GRIA1: variants seen among roughly 807,000 people sequenced by gnomAD.
GRIA1 encodes glutamate receptor 1.
GRIA1 carries 31 observed loss-of-function variants against 99.2 expected under a neutral mutation model. The ratio of observed to expected loss-of-function variants is 0.31; its 90% CI spans 0.23 to 0.42. The LOEUF is 0.42. Ranked by LOEUF, GRIA1 falls within the 10% of genes least tolerant of loss-of-function variation. The pLI is 1.00. For synonymous variants in GRIA1, 438 were observed against 432.4 expected, an observed-to-expected ratio of 1.01 and a Z score of -0.16; for missense variants, 782 against 1,157.5, an observed-to-expected ratio of 0.68 and a Z score of 4.71.
intron 2 of GRIA1, among the ~76,000 whole-genome samples, chr5:153,578,022 G>T (rs944348289): frequency 6.6e-6 from 1 of 151,414 alleles, no homozygotes. Context: ...ATCATGGTGC[G>T]TGCCTGTAAT....
chr5:153,549,031 G>A (rs1552834), intron 2 of GRIA1, among the ~76,000 whole-genome samples: 60,245 of 151,950 alleles, frequency 0.4, 13,111 homozygotes, highest in East Asian at 0.71. Flanking sequence ...ACAAACTTGA[G>A]TAAATACTAT....
chr5:153,704,215 C>G (rs1758729024), intron 10 of GRIA1, among the ~76,000 whole-genome samples: 1 of 152,226 alleles, frequency 6.6e-6, no homozygotes, highest in Non-Finnish European at 1.5e-5. Context: ...GGTGGGTGGT[C>G]AGCACCCTGA....
intron 5 of GRIA1, among the ~76,000 whole-genome samples, chr5:153,658,259 C>T (rs1755098975): frequency 6.6e-6 from 1 of 152,118 alleles, no homozygotes; most frequent in Non-Finnish European, 1.5e-5. Flanking sequence ...GCATAATTAC[C>T]TCTCTGGGGT....
Position 153,706,050 on chromosome 5 carries a change from A to G in GRIA1, c.1806A>G (p.Gly602=). ...CCCTGGGAGCCTTCATGCAGCAAGG[A>G]TGTGACATTTCTCCCAGGTCAGTCA... The part of the protein sequence containing the change: ...WFSLGAFMQQ[G]CDISPRSLSG... The change falls in exon 11 of 16, where the codon GGA becomes GGG. Residue 602 remains glycine, a synonymous_variant. Transcript: ENST00000285900. 5 of 1,613,828 alleles carry G rather than the reference A, an allele frequency of 3.1e-6. No individual in the cohort carries two copies. The highest frequency in any genetic ancestry group is 4.2e-6 in the Non-Finnish European group (5 of 1,179,840).
Position 153,698,986 on chromosome 5 carries a change from T to C in GRIA1, c.1365T>C (p.Arg455=). 6.2e-7 allele frequency: 1 copy of C among 1,613,914 alleles called. No homozygotes were observed. Among genetic ancestry groups the C allele is most frequent in the Non-Finnish European group, 8.5e-7 (1 of 1,179,892 alleles). Residue 455 remains arginine (R), a synonymous_variant, in exon 10 of 16, where the codon CGT becomes CGC. Coordinates refer to ENST00000285900, the MANE Select transcript of GRIA1 (RefSeq NM_000827.4). ...EIAKHVGYSY[R]LEIVSDGKYG... ...CCAAGCACGTGGGCTACTCCTACCG[T>C]CTGGAGATTGTCAGTGATGGAAAAT...
intron 11 of GRIA1, among the ~76,000 whole-genome samples, chr5:153,754,638 A>G (rs1411263943): frequency 2.0e-5 from 3 of 152,160 alleles, no homozygotes; most frequent in Non-Finnish European, 4.4e-5. Context: ...GCCATCCTGA[A>G]TACTTGGTTT....
upstream of GRIA1, chr5:153,490,603 G>T: frequency 2.0e-6 from 1 of 494,160 alleles, no homozygotes; most frequent in Non-Finnish European, 3.7e-6. Flanking sequence ...GCTGCGAGGG[G>T]AGAGGAGAGG....
At chr5:153,719,111 G>T (rs981033023) in intron 11 of GRIA1, among the ~76,000 whole-genome samples, 6 of 152,130 alleles carry the variant, frequency 3.9e-5, no homozygotes, top group Non-Finnish European at 8.8e-5. Flanking sequence ...TACATCTCAA[G>T]AGTGATGGAT....
At chr5:153,626,128 A>C (rs924834382) in intron 2 of GRIA1, among the ~76,000 whole-genome samples, 2 of 152,244 alleles carry the variant, frequency 1.3e-5, no homozygotes, top group Admixed American at 1.3e-4. Flanking sequence ...AATGCGAATG[A>C]AAAATAGTTT....
intron 2 of GRIA1, among the ~76,000 whole-genome samples, chr5:153,623,947 A>G (rs1355492539): frequency 7.0e-6 from 1 of 143,430 alleles, no homozygotes; most frequent in African/African-American, 2.5e-5. Context: ...TCTGCAGCAC[A>G]TTTGTTAAAC....
At chr5:153,742,984 T>TTAC (rs1361680874) in intron 11 of GRIA1, among the ~76,000 whole-genome samples, 1 of 152,336 alleles carries the variant, frequency 6.6e-6, no homozygotes, top group East Asian at 1.9e-4. Context: ...CTATCACACC[T>TTAC]TACTTTGTGG....
chr5:153,649,604 C>T (rs982422382), intron 3 of GRIA1, among the ~76,000 whole-genome samples: 5 of 152,038 alleles, frequency 3.3e-5, no homozygotes, highest in Admixed American at 2.0e-4. Flanking sequence ...ATTACAGGTA[C>T]CTGCCACCAT....
intron 11 of GRIA1, among the ~76,000 whole-genome samples, chr5:153,734,780 G>C (rs921488089): frequency 1.3e-5 from 2 of 152,168 alleles, no homozygotes; most frequent in Non-Finnish European, 2.9e-5. Flanking sequence ...ATGGGTATTA[G>C]CCAAGTGAAA....
chr5:153,541,223 C>A (rs1178076468), intron 2 of GRIA1, among the ~76,000 whole-genome samples: 1 of 152,148 alleles, frequency 6.6e-6, no homozygotes, highest in Non-Finnish European at 1.5e-5. Flanking sequence ...TCCTAAATAC[C>A]ACATTTATGC....
At chr5:153,671,539 G>A (rs777068810) in intron 5 of GRIA1, among the ~76,000 whole-genome samples, 9 of 152,178 alleles carry the variant, frequency 5.9e-5, no homozygotes, top group Admixed American at 2.6e-4. Context: ...GAACCATTGT[G>A]CAAATCAGCT....
chr5:153,619,490 C>A (rs777025352), intron 2 of GRIA1, among the ~76,000 whole-genome samples: 3 of 152,032 alleles, frequency 2.0e-5, no homozygotes, highest in Non-Finnish European at 4.4e-5. Context: ...TACTGAGAGA[C>A]AGGAGGATAA....
chr5:153,723,418 C>T (rs1473513093), intron 11 of GRIA1, among the ~76,000 whole-genome samples: 2 of 152,194 alleles, frequency 1.3e-5, no homozygotes, highest in Admixed American at 6.5e-5. Flanking sequence ...GCGCACCATG[C>T]ACGAGCTGAA....
chr5:153,536,567 A>G (rs1457090834), intron 2 of GRIA1, among the ~76,000 whole-genome samples: 1 of 152,122 alleles, frequency 6.6e-6, no homozygotes, highest in Non-Finnish European at 1.5e-5. Context: ...CATTTCACAT[A>G]AGAGACACCC....
intron 13 of GRIA1, among the ~76,000 whole-genome samples, chr5:153,793,517 T>C (rs1299931029): frequency 6.6e-6 from 1 of 152,202 alleles, no homozygotes; most frequent in Non-Finnish European, 1.5e-5. Context: ...GATGGTCAAC[T>C]CCTTGTCTAA....
Sources: allele counts gnomAD v4.1 joint callset (sites outside exome capture counted in the v4.1 genomes callset), GRCh38; gene constraint gnomAD v4.1.1; transcripts MANE v1.5; gene names NCBI Gene and HGNC (gene_info 2026-07-23, HGNC 2026-07-21).